The following PPP1R16B variants were observed in gnomAD, a reference collection of about 807,000 sequenced individuals.
The protein encoded by PPP1R16B is protein phosphatase 1 regulatory inhibitor subunit 16B.
A neutral mutation model predicts 61.7 loss-of-function variants in PPP1R16B; 14 were observed. That is an observed-to-expected ratio of 0.23 (90% CI 0.15 to 0.35). PPP1R16B has a LOEUF of 0.35. Ranked by LOEUF, PPP1R16B falls within the 10% of genes least tolerant of loss-of-function variation. The pLI is 1.00. For synonymous variants in PPP1R16B, 266 were observed against 305.3 expected, an observed-to-expected ratio of 0.87 and a Z score of 1.34; for missense variants, 547 against 752.5, an observed-to-expected ratio of 0.73 and a Z score of 3.19.
intron 6 of PPP1R16B, among the ~76,000 whole-genome samples, 189 bp from the exon 7 acceptor site, chr20:38,905,780 C>T (rs1004477775): frequency 3.9e-5 from 6 of 152,210 alleles, no homozygotes; most frequent in Non-Finnish European, 2.9e-5. Flanking sequence ...ATTCAGCTCT[C>T]TACCTTTCCT....
intron 2 of PPP1R16B, among the ~76,000 whole-genome samples, chr20:38,874,328 G>A (rs1290870111): frequency 1.3e-5 from 2 of 152,216 alleles, no homozygotes; most frequent in Non-Finnish European, 2.9e-5. Context: ...AGGTGGGGTA[G>A]GGGAGAGCCA....
At chr20:38,908,835 A>G (rs535774542) in intron 10 of PPP1R16B, among the ~76,000 whole-genome samples, 5 of 152,258 alleles carry the variant, frequency 3.3e-5, no homozygotes, top group African/African-American at 2.4e-5. Context: ...TAACACCAGC[A>G]TTGGTTCCCT....
intron 1 of PPP1R16B, among the ~76,000 whole-genome samples, chr20:38,809,707 C>T (rs1416156888): frequency 1.3e-5 from 2 of 151,978 alleles, no homozygotes; most frequent in East Asian, 1.9e-4. Context: ...GGACCAGGTG[C>T]GGTGGCTCAT....
intron 2 of PPP1R16B, 75 bp from the exon 3 acceptor site, chr20:38,889,520 G>A (rs1020379901): frequency 2.3e-6 from 3 of 1,305,120 alleles, no homozygotes; most frequent in Non-Finnish European, 3.3e-6. Flanking sequence ...GGGAGAGCGG[G>A]TCTTACCCGG....
chr20:38,879,146 G>A (rs538874471), intron 2 of PPP1R16B, among the ~76,000 whole-genome samples: 98 of 152,266 alleles, frequency 6.4e-4, no homozygotes, highest in African/African-American at 2.2e-3. Context: ...CTGGTGCAGC[G>A]GGGGTCTGAT....
intron 4 of PPP1R16B, 133 bp downstream of exon 4, chr20:38,895,843 T>C (rs202205010): frequency 0.023 from 14,688 of 633,042 alleles, 176 homozygotes; most frequent in East Asian, 0.077. Flanking sequence ...TCTCCTCCCT[T>C]CCTCCTTCCT....
chr20:38,813,554 A>T (rs2084714883), intron 1 of PPP1R16B, among the ~76,000 whole-genome samples: 1 of 152,206 alleles, frequency 6.6e-6, no homozygotes, highest in South Asian at 2.1e-4. Context: ...GCTGATGGGC[A>T]CAGTGGCACT....
At chr20:38,888,908 C>G (rs1008293860) in intron 2 of PPP1R16B, among the ~76,000 whole-genome samples, 1 of 151,490 alleles carries the variant, frequency 6.6e-6, no homozygotes, top group African/African-American at 2.4e-5. Context: ...CACACACACA[C>G]ACACACACAC....
intron 1 of PPP1R16B, among the ~76,000 whole-genome samples, chr20:38,821,154 C>T (rs1011062220): frequency 1.1e-4 from 16 of 151,952 alleles, no homozygotes; most frequent in Admixed American, 9.8e-4. Flanking sequence ...AGTTTGAGAA[C>T]GTCTTTCCTA....
intron 6 of PPP1R16B, among the ~76,000 whole-genome samples, chr20:38,904,799 G>T (rs981311914): frequency 2.6e-5 from 4 of 152,162 alleles, no homozygotes; most frequent in Non-Finnish European, 4.4e-5. Flanking sequence ...GGCCCCCGAG[G>T]TTCTCTGGCT....
At chr20:38,832,042 A>C (rs989057915) in intron 1 of PPP1R16B, among the ~76,000 whole-genome samples, 2 of 152,120 alleles carry the variant, frequency 1.3e-5, no homozygotes, top group Non-Finnish European at 2.9e-5. Context: ...GCTCCTTTCA[A>C]CTGGTGAAAT....
At chr20:38,875,126 A>G (rs1568670115) in intron 2 of PPP1R16B, among the ~76,000 whole-genome samples, 1 of 152,118 alleles carries the variant, frequency 6.6e-6, no homozygotes, top group Non-Finnish European at 1.5e-5. Context: ...AGCATCAGCA[A>G]ATGATCCATC....
At chr20:38,883,309 T>C (rs2085216565) in intron 2 of PPP1R16B, among the ~76,000 whole-genome samples, 1 of 152,212 alleles carries the variant, frequency 6.6e-6, no homozygotes, top group South Asian at 2.1e-4. Flanking sequence ...GTCAGGAAGA[T>C]GCTCTGTGAG....
intron 1 of PPP1R16B, among the ~76,000 whole-genome samples, chr20:38,817,029 C>T (rs2084740208): frequency 6.6e-6 from 1 of 152,226 alleles, no homozygotes; most frequent in Non-Finnish European, 1.5e-5. Flanking sequence ...CCTGTCCACC[C>T]TCTCCCACGT....
At chr20:38,818,546 G>T (rs1157146035) in intron 1 of PPP1R16B, among the ~76,000 whole-genome samples, 1 of 152,172 alleles carries the variant, frequency 6.6e-6, no homozygotes, top group African/African-American at 2.4e-5. Flanking sequence ...GTTTAAGAGT[G>T]AAAACTCCAC....
chr20:38,866,848 C>T (rs1439243369), intron 2 of PPP1R16B, among the ~76,000 whole-genome samples: 1 of 152,202 alleles, frequency 6.6e-6, no homozygotes, highest in Admixed American at 6.5e-5. Context: ...GTACAGTCAT[C>T]ACCTCTGCTT....
At chr20:38,911,413 G>A (rs551830546) in intron 10 of PPP1R16B, among the ~76,000 whole-genome samples, 6 of 151,898 alleles carry the variant, frequency 4.0e-5, no homozygotes, top group Admixed American at 3.3e-4. Context: ...TGATCCACCC[G>A]CCTCAGTCTC....
At chr20:38,884,685 C>G (rs2145755643) in intron 2 of PPP1R16B, among the ~76,000 whole-genome samples, 1 of 152,266 alleles carries the variant, frequency 6.6e-6, no homozygotes, top group Middle Eastern at 3.4e-3. Context: ...CGCCTGGAGT[C>G]TCAACTACTC....
At chr20:38,811,502 G>A (rs1266897522) in intron 1 of PPP1R16B, among the ~76,000 whole-genome samples, 1 of 152,194 alleles carries the variant, frequency 6.6e-6, no homozygotes, top group East Asian at 1.9e-4. Flanking sequence ...ATAAGGATTT[G>A]TAATCATATG....
Sources: gnomAD v4.1 joint callset for allele counts (sites outside exome capture counted in the v4.1 genomes callset) on GRCh38, gnomAD v4.1.1 for gene constraint, MANE v1.5 for transcripts, NCBI Gene and HGNC (gene_info 2026-07-23, HGNC 2026-07-21) for gene names.